The following LYZL1 variants were observed in gnomAD, a reference collection of about 807,000 sequenced individuals.
LYZL1 encodes lysozyme-like protein 1.
LYZL1 carries 16 observed loss-of-function variants against 17.9 expected under a neutral mutation model. That is an observed-to-expected ratio of 0.90 (90% CI 0.61 to 1.36). The LOEUF (loss-of-function observed/expected upper bound fraction) is 1.36. LYZL1 is among the 40% of genes most tolerant of loss of function. The pLI is 0.00. For missense variants in LYZL1, 149 were observed against 188.4 expected, an observed-to-expected ratio of 0.79 and a Z score of 1.22; for synonymous variants, 58 against 71.8, an observed-to-expected ratio of 0.81 and a Z score of 0.97.
chr10:29,312,141 T>A (rs1404817000), downstream of LYZL1, among the ~76,000 whole-genome samples: 1 of 151,956 alleles, frequency 6.6e-6, no homozygotes, highest in Admixed American at 6.6e-5. Flanking sequence ...CTCTACAGCA[T>A]TTTTTTTGTT....
chr10:29,289,419 T>C (rs1835330793), intron 1 of LYZL1, among the ~76,000 whole-genome samples, 189 bp downstream of exon 1: 1 of 69,766 alleles, frequency 1.4e-5, no homozygotes, highest in Admixed American at 1.2e-4. Flanking sequence ...TTTCTTTTCT[T>C]TTTTTTTTTT....
At chr10:29,302,411 G>T (rs1835531855) in intron 3 of LYZL1, among the ~76,000 whole-genome samples, 1 of 143,758 alleles carries the variant, frequency 7.0e-6, no homozygotes, top group Admixed American at 7.3e-5. Flanking sequence ...GACATCAAAG[G>T]CCGGCACGAG....
rs766483684 is a variant in LYZL1, at chr10:29,292,625, G to C, written c.246G>C (p.Trp82Cys). Residue 82 changes from tryptophan (W) to cysteine (C), a missense_variant, in exon 3 of 5, where the codon TGG becomes TGC. Transcript: ENST00000649382. ...TCTTCCAGATCAACAGCTTCGCGTGGTGCAGACGCGGAAAGCTGAAGGAGA... is the reference window on the plus strand; with the variant it reads ...TCTTCCAGATCAACAGCTTCGCGTGCTGCAGACGCGGAAAGCTGAAGGAGA... ...YGIFQINSFA[W>C]CRRGKLKENN... 76 of 1,614,132 alleles carry C rather than the reference G, an allele frequency of 4.7e-5. No individual in the cohort carries two copies. Among genetic ancestry groups the C allele is most frequent in the Non-Finnish European group, 6.1e-5 (72 of 1,180,048 alleles).
At chr10:29,295,835 G>C (rs1249885354) in intron 3 of LYZL1, among the ~76,000 whole-genome samples, 1 of 152,110 alleles carries the variant, frequency 6.6e-6, no homozygotes, top group Non-Finnish European at 1.5e-5. Flanking sequence ...TGAGTCAAGG[G>C]GTGTGAGTGG....
At chr10:29,309,001 T>C (rs1835634073) in intron 3 of LYZL1, among the ~76,000 whole-genome samples, 1 of 150,552 alleles carries the variant, frequency 6.6e-6, no homozygotes, top group Non-Finnish European at 1.5e-5. Context: ...GAGATAGACG[T>C]ATTTGACTTA....
intron 3 of LYZL1, among the ~76,000 whole-genome samples, chr10:29,294,005 T>C (rs942685931): frequency 1.3e-5 from 2 of 150,524 alleles, no homozygotes; most frequent in African/African-American, 2.4e-5. Context: ...AAGAAAATCA[T>C]GGAAAATTCT....
chr10:29,313,862 A>G (rs1456773969), downstream of LYZL1, among the ~76,000 whole-genome samples: 1 of 152,200 alleles, frequency 6.6e-6, no homozygotes, highest in Non-Finnish European at 1.5e-5. Context: ...TACCAGATAC[A>G]CTGAGCAGAC....
At chr10:29,299,619 T>C (rs939902425) in intron 3 of LYZL1, among the ~76,000 whole-genome samples, 1 of 152,198 alleles carries the variant, frequency 6.6e-6, no homozygotes, top group African/African-American at 2.4e-5. Flanking sequence ...CACATATTCA[T>C]CGAGGACTGT....
chr10:29,311,370 G>C (rs759788923), downstream of LYZL1: 4 of 617,698 alleles, frequency 6.5e-6, no homozygotes, highest in African/African-American at 5.8e-5. Flanking sequence ...TGAAACTGCT[G>C]CTCATTCAAA....
At chr10:29,317,513 G>C (rs773185218) in intron 4 of LYZL1, 6 of 152,214 alleles carry the variant, frequency 3.9e-5, no homozygotes, top group Non-Finnish European at 5.9e-5. Context: ...CATTACCTTA[G>C]CTCCAGGTCT....
At chr10:29,315,727 T>C (rs1000872), downstream of LYZL1, among the ~76,000 whole-genome samples, 15,746 of 151,360 alleles carry the variant, frequency 0.1, 1,065 homozygotes, top group African/African-American at 0.19. Context: ...CCTGTGCCTG[T>C]GGTCCCAGCT....
chr10:29,306,473 C>G (rs1835592434), intron 3 of LYZL1, among the ~76,000 whole-genome samples: 1 of 136,990 alleles, frequency 7.3e-6, no homozygotes, highest in Non-Finnish European at 1.6e-5. Context: ...TGGCGTGAAC[C>G]CGGGAGGCGG....
At chr10:29,313,563 C>A (rs557929129), downstream of LYZL1, among the ~76,000 whole-genome samples, 4 of 152,256 alleles carry the variant, frequency 2.6e-5, no homozygotes, top group South Asian at 8.3e-4. Context: ...TATCTTTTTG[C>A]AAAACTCACA....
At chr10:29,292,279 G>T (rs1367396920) in intron 2 of LYZL1, among the ~76,000 whole-genome samples, 1 of 151,154 alleles carries the variant, frequency 6.6e-6, no homozygotes, top group Non-Finnish European at 1.5e-5. Context: ...GGGAGTGGGG[G>T]GACCTGACTG....
At chr10:29,306,549 C>CAAAAAAAAAAAAAAAAAAAAAAAAAAAA (rs58001118) in intron 3 of LYZL1, among the ~76,000 whole-genome samples, 2 of 48,804 alleles carry the variant, frequency 4.1e-5, no homozygotes, top group African/African-American at 1.9e-4. Flanking sequence ...GACTCCGTCT[C>CAAAAAAAAAAAAAAAAAAAAAAAAAAAA]AAAAAAAAAA....
At chr10:29,298,668 T>C (rs1241132910) in intron 3 of LYZL1, among the ~76,000 whole-genome samples, 1 of 152,136 alleles carries the variant, frequency 6.6e-6, no homozygotes, top group African/African-American at 2.4e-5. Context: ...AACAAGGGAC[T>C]CGATGAGGGA....
intron 1 of LYZL1, among the ~76,000 whole-genome samples, chr10:29,290,064 G>T (rs117440213): frequency 1.1e-4 from 17 of 152,208 alleles, no homozygotes; most frequent in African/African-American, 3.9e-4. Context: ...CTTGTTACTT[G>T]GTGCGGTGGC....
intron 3 of LYZL1, among the ~76,000 whole-genome samples, chr10:29,301,135 C>T (rs565789761): frequency 1.4e-3 from 207 of 152,092 alleles, no homozygotes; most frequent in African/African-American, 4.2e-3. Flanking sequence ...CAGTTCTTTC[C>T]GGCACTGTTC....
At chr10:29,317,837 G>A (rs1319361721) in intron 4 of LYZL1, among the ~76,000 whole-genome samples, 1 of 152,014 alleles carries the variant, frequency 6.6e-6, no homozygotes, top group African/African-American at 2.4e-5. Flanking sequence ...CCAGCTACTT[G>A]GGAGTCTGAG....
Sources: allele counts gnomAD v4.1 joint callset (sites outside exome capture counted in the v4.1 genomes callset), GRCh38; gene constraint gnomAD v4.1.1; transcripts MANE v1.5; gene names NCBI Gene and HGNC (gene_info 2026-07-23, HGNC 2026-07-21).